The following PNKD variants were observed in gnomAD, a reference collection of about 807,000 sequenced individuals.
The protein encoded by PNKD is PNKD metallo-beta-lactamase domain containing.
A neutral mutation model predicts 45.3 loss-of-function variants in PNKD; 36 were observed. The ratio of observed to expected loss-of-function variants is 0.80; its 90% confidence interval spans 0.61 to 1.05. The LOEUF (loss-of-function observed/expected upper bound fraction) is 1.05, where lower values mean the gene tolerates loss of function less well. Among genes scored for constraint, PNKD ranks in the 50% least tolerant of loss-of-function variants. The pLI is 0.00. For synonymous variants in PNKD, 197 were observed against 210.1 expected (o/e 0.94, Z 0.54); for missense variants, 511 against 506.6 (o/e 1.01, Z -0.08).
intron 2 of PNKD, among the ~76,000 whole-genome samples, chr2:218,323,679 A>G (rs1393712174): frequency 6.6e-6 from 1 of 152,050 alleles, no homozygotes; most frequent in African/African-American, 2.4e-5. Flanking sequence ...TGGCCACGGA[A>G]GGAGGGCGTG....
intron 2 of PNKD, among the ~76,000 whole-genome samples, chr2:218,337,488 G>A (rs887882563): frequency 1.4e-4 from 21 of 152,146 alleles, no homozygotes; most frequent in African/African-American, 4.3e-4. Flanking sequence ...TTTCTATATC[G>A]CTATTTGCAG....
intron 2 of PNKD, 88 bp from the exon 3 acceptor site, chr2:218,339,695 T>C: frequency 1.3e-6 from 1 of 784,382 alleles, no homozygotes; most frequent in Admixed American, 1.9e-5. Flanking sequence ...ACCAAAGGAA[T>C]GGAGATGTGG....
At chr2:218,342,568 T>TGG (rs1694711919) in intron 7 of PNKD, among the ~76,000 whole-genome samples, 1 of 149,444 alleles carries the variant, frequency 6.7e-6, no homozygotes, top group South Asian at 2.1e-4. Flanking sequence ...GGCATGGTGG[T>TGG]GCATGCCTGT....
chr2:218,284,867 G>A (rs970046518), intron 2 of PNKD, among the ~76,000 whole-genome samples: 8 of 152,214 alleles, frequency 5.3e-5, no homozygotes, highest in African/African-American at 1.9e-4. Flanking sequence ...GAGGCAGGTG[G>A]ATCACCTGAG....
chr2:218,331,451 C>CTTTTAA (rs1553671744), intron 2 of PNKD, among the ~76,000 whole-genome samples: 2 of 151,198 alleles, frequency 1.3e-5, no homozygotes, highest in Non-Finnish European at 2.9e-5. Context: ...GTTTTGCATG[C>CTTTTAA]TTTTTATTTT....
chr2:218,323,090 G>A (rs1694035716), intron 2 of PNKD: 7 of 1,088,420 alleles, frequency 6.4e-6, no homozygotes, highest in South Asian at 5.3e-5. Flanking sequence ...GGCCTTCGGG[G>A]TGCTTGCCCG....
At chr2:218,289,384 G>GT (rs1464854999) in intron 2 of PNKD, among the ~76,000 whole-genome samples, 1 of 152,132 alleles carries the variant, frequency 6.6e-6, no homozygotes, top group Admixed American at 6.5e-5. Context: ...GCTCATGCCT[G>GT]TAATCCCAGC....
In PNKD at chr2:218,272,633, C is replaced by T. The variant is rs771092959; in HGVS notation, c.236+1084C>T. The T allele has an allele frequency of 6.2e-6, 10 of 1,614,124 alleles. 1 individual carries two copies. In the South Asian group the frequency reaches 1.1e-4, roughly 18 times the overall value. On this transcript the variant is annotated intron_variant, in intron 2 of 9. Coordinates refer to ENST00000273077, the MANE Select transcript of PNKD (RefSeq NM_015488.5). ...TCACCAAGCGGGAAGTGGACAAGGA[C>T]CGTGTGAAGCAGATGAAGGCTCGGC... is the stretch of plus-strand genomic sequence containing the variant.
At position 218,276,676 on chromosome 2, in the gene PNKD, C is replaced by T. The variant is rs530466215; in HGVS notation, c.236+5127C>T. Among the ~76,000 whole-genome samples, 14 of 152,370 alleles carry T rather than the reference C, an allele frequency of 9.2e-5. No individual in the cohort carries two copies. The South Asian group carries it at 2.7e-3, about 29-fold the overall frequency. ...GGTCCCTTCCACCTAGGCCCATCAT[C>T]TCAGTCCTCTGGGTTCCTCTCCCAG... On this transcript the variant is annotated intron_variant, in intron 2 of 9. Transcript: ENST00000273077.
At chr2:218,331,959 AG>A (rs1313608405) in intron 2 of PNKD, among the ~76,000 whole-genome samples, 1 of 152,116 alleles carries the variant, frequency 6.6e-6, no homozygotes, top group Non-Finnish European at 1.5e-5. Flanking sequence ...GCAGTCATTT[AG>A]GGGGTTTCCG....
intron 2 of PNKD, among the ~76,000 whole-genome samples, chr2:218,328,430 A>C (rs961822687): frequency 2.0e-5 from 3 of 152,136 alleles, no homozygotes; most frequent in Admixed American, 6.5e-5. Flanking sequence ...ACCCTAGTTC[A>C]CATCACCATG....
chr2:218,280,212 A>G (rs1691748255), intron 2 of PNKD: 2 of 967,154 alleles, frequency 2.1e-6, no homozygotes, highest in Non-Finnish European at 1.7e-6. Context: ...TCAAAGTCTC[A>G]GGGATCTCCA....
At position 218,292,891 on chromosome 2, in the gene PNKD, C is replaced by G. The variant is rs1693028001; in HGVS notation, c.236+21342C>G. 2.0e-5 allele frequency among the ~76,000 whole-genome samples: 3 copies of G among 152,144 alleles called. No individual in the cohort carries two copies. The South Asian group carries it at 6.2e-4, about 31-fold the overall frequency. ...GTTTTGTTTACTGCCCTTCTTTTTA[C>G]TGTTTTATGATGAACATTTTTCTTC... is the stretch of plus-strand genomic sequence containing the variant. On this transcript the variant is annotated intron_variant, in intron 2 of 9. Coordinates refer to ENST00000273077, the MANE Select transcript of PNKD (RefSeq NM_015488.5).
chr2:218,278,645 G>A (rs1691516620), intron 2 of PNKD: 1 of 1,483,314 alleles, frequency 6.7e-7, no homozygotes, highest in Non-Finnish European at 9.4e-7. Flanking sequence ...GTGATTTGGG[G>A]CCCAAATAGC....
chr2:218,283,058 C>T (rs146316961), intron 2 of PNKD, among the ~76,000 whole-genome samples: 26 of 152,148 alleles, frequency 1.7e-4, no homozygotes, highest in African/African-American at 5.6e-4. Context: ...GTGAGTTCTA[C>T]CTGTCTTCCA....
intron 2 of PNKD, among the ~76,000 whole-genome samples, chr2:218,307,670 G>A (rs1374185954): frequency 6.6e-6 from 1 of 152,152 alleles, no homozygotes; most frequent in African/African-American, 2.4e-5. Context: ...TTGGAGGGAA[G>A]CGGTTGGGGA....
intron 2 of PNKD, among the ~76,000 whole-genome samples, chr2:218,312,670 C>G (rs1461991696): frequency 1.3e-5 from 2 of 151,754 alleles, no homozygotes; most frequent in African/African-American, 4.8e-5. Flanking sequence ...CTCAGAAGTT[C>G]GAGACCAGCC....
Position 218,345,100 on chromosome 2 carries a change from TC to T in PNKD, c.*125del, listed in dbSNP as rs1694796678. 2.6e-6 allele frequency: 2 copies of T among 759,438 alleles called. No homozygotes were observed. The highest frequency in any genetic ancestry group is 2.7e-5 in the Admixed American group (1 of 37,606). 47.0% of individuals were successfully genotyped at this position (759,438 alleles called of 1,614,324 possible). A position where few individuals can be genotyped will look rare whatever the true frequency, so the allele number is the denominator to read the frequency against. Reference sequence around the variant, plus strand: ...TCCATCGGCACCCAAGCGGGCATCATCCCCCCACACTGCTCAGGGGAGGGGA... The same window carrying T: ...TCCATCGGCACCCAAGCGGGCATCATCCCCCACACTGCTCAGGGGAGGGGA... On this transcript the variant is annotated 3_prime_UTR_variant, in exon 10 of 10. Transcript: ENST00000273077.
chr2:218,270,997 A>G (rs765204421), intron 1 of PNKD: 3 of 433,644 alleles, frequency 6.9e-6, no homozygotes, highest in Non-Finnish European at 1.3e-5. Flanking sequence ...GTACAGTGCA[A>G]GGGATGGAGT....
Sources: allele counts gnomAD v4.1 joint callset (sites outside exome capture counted in the v4.1 genomes callset), GRCh38; gene constraint gnomAD v4.1.1; transcripts MANE v1.5; gene names NCBI Gene and HGNC (gene_info 2026-07-23, HGNC 2026-07-21).